The following MACROD2 variants were observed in gnomAD, a reference collection of about 807,000 sequenced individuals.
MACROD2 encodes the protein mono-ADP ribosylhydrolase 2.
A neutral mutation model predicts 70.4 loss-of-function variants in MACROD2; 36 were observed. That is an observed-to-expected ratio of 0.51 (90% CI 0.39 to 0.68). The LOEUF (loss-of-function observed/expected upper bound fraction) is 0.68. Ranked by LOEUF, MACROD2 falls within the 30% of genes least tolerant of loss-of-function variation. The pLI, the probability that MACROD2 is intolerant of heterozygous loss-of-function variation, is 0.00. For missense variants in MACROD2, 496 were observed against 538.4 expected, an observed-to-expected ratio of 0.92 and a Z score of 0.78; for synonymous variants, 172 against 178.8, an observed-to-expected ratio of 0.96 and a Z score of 0.30.
intron 3 of MACROD2, among the ~76,000 whole-genome samples, chr20:14,150,020 C>T (rs2054996010): frequency 6.6e-6 from 1 of 152,074 alleles, no homozygotes; most frequent in South Asian, 2.1e-4. Context: ...TCTCATCTAT[C>T]AATAGCTAAA....
intron 12 of MACROD2, among the ~76,000 whole-genome samples, chr20:15,939,324 G>A (rs1289251917): frequency 6.6e-6 from 1 of 152,124 alleles, no homozygotes; most frequent in African/African-American, 2.4e-5. Context: ...CTTGTTAGGG[G>A]CTAATGCAGC....
At chr20:14,411,855 T>G (rs1460334770) in intron 3 of MACROD2, among the ~76,000 whole-genome samples, 1 of 152,140 alleles carries the variant, frequency 6.6e-6, no homozygotes, top group Non-Finnish European at 1.5e-5. Flanking sequence ...TTATGCAGCT[T>G]GATAGCTCTC....
rs538884719 is a variant in MACROD2 at position 14,735,392 on chromosome 20, G to A, written c.418+50433G>A. On this transcript the variant is annotated intron_variant, in intron 5 of 17. Transcript: ENST00000684519. Reference sequence around the variant, plus strand: ...AAGCACATGAAGCACATGAACAGGCGTCCACACTGTCAGTCATTAGGGAAG... The same window carrying A: ...AAGCACATGAAGCACATGAACAGGCATCCACACTGTCAGTCATTAGGGAAG... 5.3e-5 allele frequency among the ~76,000 whole-genome samples: 8 copies of A among 152,258 alleles called. No homozygotes were observed. The East Asian group carries it at 9.6e-4, about 18-fold the overall frequency.
intron 5 of MACROD2, among the ~76,000 whole-genome samples, chr20:15,081,959 T>C (rs1036787951): frequency 1.3e-5 from 2 of 152,186 alleles, no homozygotes; most frequent in Admixed American, 1.3e-4. Flanking sequence ...TGGGACATAG[T>C]CCAGGAGGTA....
At chr20:15,942,201 CAGA>C (rs1226609264) in intron 12 of MACROD2, among the ~76,000 whole-genome samples, 2 of 152,138 alleles carry the variant, frequency 1.3e-5, no homozygotes, top group African/African-American at 4.8e-5. Flanking sequence ...CAGCTGCCAA[CAGA>C]AGGAGATGCA....
chr20:15,766,592 C>A (rs1600859849), intron 8 of MACROD2, among the ~76,000 whole-genome samples: 1 of 152,076 alleles, frequency 6.6e-6, no homozygotes, highest in East Asian at 1.9e-4. Context: ...ACCCTCAAAC[C>A]CCAGGAAGGG....
chr20:15,862,585 C>A (rs1374569568), intron 8 of MACROD2, among the ~76,000 whole-genome samples, 160 bp from the exon 9 acceptor site: 4 of 152,120 alleles, frequency 2.6e-5, no homozygotes, highest in African/African-American at 9.7e-5. Context: ...CACATTCTTA[C>A]ACACATCCTT....
chr20:14,623,421 A>T (rs1983948244), intron 4 of MACROD2, among the ~76,000 whole-genome samples: 1 of 152,184 alleles, frequency 6.6e-6, no homozygotes, highest in Admixed American at 6.5e-5. Context: ...CTTGCTAATG[A>T]TAGAGAATTT....
chr20:15,640,123 T>C (rs546796925), intron 8 of MACROD2, among the ~76,000 whole-genome samples: 170 of 135,514 alleles, frequency 1.3e-3, no homozygotes, highest in African/African-American at 4.6e-3. Flanking sequence ...GAAAAGGGGA[T>C]AGAGAGGGAG....
intron 5 of MACROD2, among the ~76,000 whole-genome samples, chr20:14,989,198 T>C (rs2074877932): frequency 6.6e-6 from 1 of 152,184 alleles, no homozygotes; most frequent in African/African-American, 2.4e-5. Context: ...AGGGATGGTA[T>C]GGAATAATGG....
chr20:15,983,690 G>A (rs936877077), intron 13 of MACROD2, among the ~76,000 whole-genome samples: 4 of 152,180 alleles, frequency 2.6e-5, no homozygotes, highest in African/African-American at 7.2e-5. Flanking sequence ...CGCAGCCTAC[G>A]CCTGGTCGAC....
At chr20:14,358,481 G>A (rs373668256) in intron 3 of MACROD2, among the ~76,000 whole-genome samples, 8 of 151,604 alleles carry the variant, frequency 5.3e-5, no homozygotes, top group African/African-American at 1.5e-4. Flanking sequence ...TTTTTGAGAT[G>A]GAGTCTCACT....
chr20:14,278,808 A>C (rs2082280495), intron 3 of MACROD2, among the ~76,000 whole-genome samples: 1 of 152,194 alleles, frequency 6.6e-6, no homozygotes. Flanking sequence ...GTACATCAGA[A>C]AAAATAATCA....
At chr20:14,305,852 T>G (rs1387814620) in intron 3 of MACROD2, among the ~76,000 whole-genome samples, 2 of 152,144 alleles carry the variant, frequency 1.3e-5, no homozygotes, top group African/African-American at 4.8e-5. Flanking sequence ...ATTTTTTTTT[T>G]GTTTTGAATT....
chr20:15,541,292 T>A (rs781239310), intron 8 of MACROD2, among the ~76,000 whole-genome samples: 5 of 152,224 alleles, frequency 3.3e-5, no homozygotes, highest in Non-Finnish European at 7.3e-5. Flanking sequence ...TAATCTCTTT[T>A]ATTTGTCTTT....
chr20:14,775,241 G>A (rs893702874), intron 5 of MACROD2, among the ~76,000 whole-genome samples: 10 of 152,026 alleles, frequency 6.6e-5, no homozygotes, highest in Non-Finnish European at 1.0e-4. Context: ...ATTAGCTAAC[G>A]CGGTGGGCTT....
chr20:14,454,804 G>A lies in MACROD2; in HGVS notation c.272-38675G>A, dbSNP rs192511053. ...GTCTTGCTCTGTCGCCCAGGCTGGA[G>A]TGCAGTGGTGAGATCTCTGCTCACT... On this transcript the variant is annotated intron_variant, in intron 3 of 17. Transcript: ENST00000684519. 7.1e-3 allele frequency among the ~76,000 whole-genome samples: 971 copies of A among 136,240 alleles called. 7 individuals carry two copies. Among genetic ancestry groups the A allele is most frequent in the Non-Finnish European group, 0.011 (742 of 66,010 alleles). The allele number at this position is 136,240 out of a possible 152,430, so 89.4% of individuals were successfully genotyped here.
At chr20:14,977,419 T>A (rs1350614894) in intron 5 of MACROD2, among the ~76,000 whole-genome samples, 1 of 146,198 alleles carries the variant, frequency 6.8e-6, no homozygotes, top group African/African-American at 2.6e-5. Context: ...TAGGTAATAT[T>A]TAAGTACAAG....
intron 3 of MACROD2, among the ~76,000 whole-genome samples, chr20:14,406,548 C>T (rs1302722256): frequency 2.6e-5 from 4 of 152,058 alleles, no homozygotes; most frequent in African/African-American, 9.7e-5. Flanking sequence ...TATTTAGTCT[C>T]CTTCTTTTGA....
Sources: gnomAD v4.1 joint callset for allele counts (sites outside exome capture counted in the v4.1 genomes callset) on GRCh38, gnomAD v4.1.1 for gene constraint, MANE v1.5 for transcripts, NCBI Gene and HGNC (gene_info 2026-07-23, HGNC 2026-07-21) for gene names.